Variants in ST7 observed in about 807,000 individuals in gnomAD.
ST7 encodes suppressor of tumorigenicity 7 protein.
A neutral mutation model predicts 78.7 loss-of-function variants in ST7; 28 were observed. The observed-to-expected ratio is 0.36, with a 90% CI of 0.26 to 0.49. The LOEUF (loss-of-function observed/expected upper bound fraction) is 0.49, where lower values mean the gene tolerates loss of function less well. Ranked by LOEUF, ST7 falls within the 20% of genes least tolerant of loss-of-function variation. ST7 has a pLI of 0.99. For synonymous variants in ST7, 247 were observed against 249.6 expected, an observed-to-expected ratio of 0.99 and a Z score of 0.10; for missense variants, 418 against 696.0, an observed-to-expected ratio of 0.60 and a Z score of 4.49.
chr7:117,154,170 G>A (rs1325026954), intron 9 of ST7, among the ~76,000 whole-genome samples: 6 of 152,166 alleles, frequency 3.9e-5, no homozygotes, highest in African/African-American at 1.4e-4. Context: ...ATTAGGTCAT[G>A]AGGGTAGAGC....
rs540238322 is a variant in ST7, at chr7:117,210,517, T to C, written c.1405+580T>C. ...GTTCTCCATAGATAGTATTATTCCATGTAAGGAGAATAGGCTGTAATGGTG... is the reference window on the plus strand; with the variant it reads ...GTTCTCCATAGATAGTATTATTCCACGTAAGGAGAATAGGCTGTAATGGTG... On this transcript the variant is annotated intron_variant, in intron 13 of 15. Coordinates refer to ENST00000323984, the MANE Select transcript of ST7 (RefSeq NM_001369598.1). Among the ~76,000 whole-genome samples the C allele has an allele frequency of 2.0e-5, 3 of 152,288 alleles. No individual in the cohort carries two copies. The South Asian group carries it at 6.2e-4, about 32-fold the overall frequency.
At chr7:117,097,906 A>ATTTT (rs1353568782) in intron 1 of ST7, among the ~76,000 whole-genome samples, 2 of 30,916 alleles carry the variant, frequency 6.5e-5, no homozygotes, top group African/African-American at 1.4e-4. Context: ...ATATATATAT[A>ATTTT]TATTTTTTTT....
intron 13 of ST7, among the ~76,000 whole-genome samples, chr7:117,214,724 T>G (rs1448579163): frequency 1.3e-5 from 2 of 152,112 alleles, no homozygotes; most frequent in African/African-American, 2.4e-5. Context: ...TTATTCCGTC[T>G]CGGTGAATGG....
Position 117,229,772 on chromosome 7 carries a change from C to A in ST7, c.1649C>A (p.Thr550Asn). ...CTGGTTTCTTTGCAGTTCCTCAGCA[C>A]TTTGTTTGCCCCCTTAAACTTTGTC... ...MGVFAKAFLS[T>N]LFAPLNFVME... Residue 550 changes from threonine to asparagine, a missense_variant, in exon 16 of 16, where the codon ACT becomes AAT. Transcript: ENST00000323984. 6.2e-7 allele frequency: 1 copy of A among 1,611,814 alleles called. No homozygotes were observed.
intron 9 of ST7, 68 bp from the exon 10 acceptor site, chr7:117,170,789 TAATAA>T: frequency 1.8e-6 from 1 of 561,904 alleles, no homozygotes; most frequent in Non-Finnish European, 2.7e-6. Context: ...TAAATATATA[TAATAA>T]AATATGTACA....
chr7:117,045,028 A>T (rs1429260712), intron 1 of ST7, among the ~76,000 whole-genome samples: 10 of 151,652 alleles, frequency 6.6e-5, no homozygotes, highest in Non-Finnish European at 1.5e-5. Context: ...GTTATCCATG[A>T]CTCCTTTATT....
chr7:117,045,886 T>G (rs1797467578), intron 1 of ST7, among the ~76,000 whole-genome samples: 1 of 152,226 alleles, frequency 6.6e-6, no homozygotes, highest in Admixed American at 6.5e-5. Flanking sequence ...TTTTAGGATT[T>G]CTACCTTTCA....
At chr7:117,171,946 C>CT (rs35780344) in intron 10 of ST7, among the ~76,000 whole-genome samples, 2,409 of 132,846 alleles carry the variant, frequency 0.018, 64 homozygotes, top group African/African-American at 0.048. Flanking sequence ...CCATTTGGGT[C>CT]TTTTTTTTTT....
In ST7 at chr7:117,229,780, G is replaced by T. The variant is rs150676488; in HGVS notation, c.1657G>T (p.Ala553Ser). ...FAKAFLSTLFAPLNFVMEKVE... is the reference protein window; with the variant it reads ...FAKAFLSTLFSPLNFVMEKVE... Reference sequence around the variant, plus strand: ...TTTGCAGTTCCTCAGCACTTTGTTTGCCCCCTTAAACTTTGTCATGGAGAA... The same window carrying T: ...TTTGCAGTTCCTCAGCACTTTGTTTTCCCCCTTAAACTTTGTCATGGAGAA... Residue 553 changes from alanine (A) to serine (S), a missense_variant, in exon 16 of 16, where the codon GCC becomes TCC. Ala to Ser is a moderately conservative substitution (Grantham distance 99, BLOSUM62 1). Coordinates refer to ENST00000323984, the MANE Select transcript of ST7 (RefSeq NM_001369598.1). 3.7e-6 allele frequency: 6 copies of T among 1,612,220 alleles called. No individual in the cohort carries two copies. In the African/African-American group the frequency reaches 4.0e-5, roughly 11 times the overall value.
intron 15 of ST7, among the ~76,000 whole-genome samples, chr7:117,225,729 C>G (rs914287127): frequency 3.9e-5 from 6 of 152,160 alleles, no homozygotes; most frequent in Non-Finnish European, 7.3e-5. Flanking sequence ...TTAGTAGATG[C>G]AGAGAGATTG....
At chr7:117,067,258 A>C (rs1798688646) in intron 1 of ST7, among the ~76,000 whole-genome samples, 1 of 151,862 alleles carries the variant, frequency 6.6e-6, no homozygotes, top group Non-Finnish European at 1.5e-5. Context: ...GCGTATACCT[A>C]GTAGTAGAAT....
chr7:117,058,185 T>C (rs954629360), intron 1 of ST7, among the ~76,000 whole-genome samples: 1 of 152,224 alleles, frequency 6.6e-6, no homozygotes, highest in Non-Finnish European at 1.5e-5. Context: ...ACTCAATTGT[T>C]CTTTAGCCAG....
intron 10 of ST7, among the ~76,000 whole-genome samples, chr7:117,172,641 C>G (rs1808083384): frequency 6.6e-6 from 1 of 152,216 alleles, no homozygotes; most frequent in African/African-American, 2.4e-5. Context: ...GGGGTCTAAA[C>G]TATTGGGCTG....
chr7:116,995,203 G>T (rs1251964299), intron 1 of ST7, among the ~76,000 whole-genome samples: 1 of 152,126 alleles, frequency 6.6e-6, no homozygotes, highest in East Asian at 1.9e-4. Context: ...AGACAGAAAA[G>T]AATCACCAAC....
chr7:117,055,960 T>C (rs564857428), intron 1 of ST7, among the ~76,000 whole-genome samples: 18 of 152,300 alleles, frequency 1.2e-4, no homozygotes, highest in Admixed American at 8.5e-4. Flanking sequence ...ACTGAAGAAC[T>C]TGGAGTCCAA....
chr7:117,088,745 G>T (rs1800350728), intron 1 of ST7, among the ~76,000 whole-genome samples: 1 of 152,166 alleles, frequency 6.6e-6, no homozygotes, highest in Non-Finnish European at 1.5e-5. Flanking sequence ...AGCACATTTT[G>T]CATGGCTGAT....
intron 1 of ST7, among the ~76,000 whole-genome samples, chr7:117,027,463 A>AAAAGTAAAAGTAAAAGTAAAGT (rs1554427204): frequency 1.3e-4 from 18 of 140,662 alleles, no homozygotes; most frequent in African/African-American, 5.0e-4. Context: ...AAAGTAAAGT[A>AAAAGTAAAAGTAAAAGTAAAGT]AAAGTAAAGT....
chr7:116,991,253 A>AT (rs1794414610), intron 1 of ST7, among the ~76,000 whole-genome samples: 2 of 152,366 alleles, frequency 1.3e-5, no homozygotes, highest in South Asian at 4.1e-4. Flanking sequence ...CCTTTGAGGC[A>AT]TTAAGCAGGG....
At chr7:117,008,808 A>G (rs1220360945) in intron 1 of ST7, among the ~76,000 whole-genome samples, 1 of 152,152 alleles carries the variant, frequency 6.6e-6, no homozygotes, top group African/African-American at 2.4e-5. Flanking sequence ...ACCACAGTAA[A>G]TATTGTTGAA....
Sources: allele counts gnomAD v4.1 joint callset (sites outside exome capture counted in the v4.1 genomes callset), GRCh38; gene constraint gnomAD v4.1.1; transcripts MANE v1.5; gene names NCBI Gene and HGNC (gene_info 2026-07-23, HGNC 2026-07-21).